The following PALS1 variants were observed in gnomAD, a reference collection of about 807,000 sequenced individuals.
PALS1 encodes protein PALS1.
A neutral mutation model predicts 78.9 loss-of-function variants in PALS1; 31 were observed. That is an observed-to-expected ratio of 0.39 (90% confidence interval 0.30 to 0.53). The LOEUF is 0.53. PALS1 is among the 20% of genes least tolerant of loss of function. The pLI is 0.67. For synonymous variants in PALS1, 276 were observed against 270.9 expected, an observed-to-expected ratio of 1.02 and a Z score of -0.18; for missense variants, 704 against 826.5, an observed-to-expected ratio of 0.85 and a Z score of 1.82.
chr14:67,302,360 C>T (rs2084943733), intron 6 of PALS1, 50 bp from the exon 7 acceptor site: 1 of 1,267,130 alleles, frequency 7.9e-7, no homozygotes, highest in Non-Finnish European at 1.0e-6. Context: ...AAATGCTTAA[C>T]AAAAATTGTA....
At chr14:67,286,830 G>A (rs8014259) in intron 3 of PALS1, among the ~76,000 whole-genome samples, 2 of 145,482 alleles carry the variant, frequency 1.4e-5, no homozygotes, top group East Asian at 2.1e-4. Context: ...GCACTCCAGC[G>A]TGGTGACAGA....
chr14:67,291,265 G>A (rs986686465), intron 3 of PALS1, among the ~76,000 whole-genome samples: 4 of 150,844 alleles, frequency 2.7e-5, no homozygotes, highest in Non-Finnish European at 5.9e-5. Flanking sequence ...GTCTTGCTCT[G>A]TTGCCCAGGC....
At chr14:67,246,636 T>A (rs912564848) in intron 1 of PALS1, among the ~76,000 whole-genome samples, 10 of 146,490 alleles carry the variant, frequency 6.8e-5, no homozygotes, top group African/African-American at 2.5e-4. Flanking sequence ...CCACTGAGCC[T>A]GGCCTACTAT....
At chr14:67,310,678 TATTTTTAACCAGATC>T (rs1351464351) in intron 8 of PALS1, among the ~76,000 whole-genome samples, 1 of 152,248 alleles carries the variant, frequency 6.6e-6, no homozygotes, top group Non-Finnish European at 1.5e-5. Context: ...TATATCTTTG[TATTTTTAACCAGATC>T]ATTTTTTAAC....
chr14:67,273,523 TGATG>T (rs1354782604), intron 2 of PALS1, among the ~76,000 whole-genome samples: 1 of 152,224 alleles, frequency 6.6e-6, no homozygotes, highest in East Asian at 1.9e-4. Flanking sequence ...AGTCTATCAT[TGATG>T]GACATTTGGG....
intron 1 of PALS1, among the ~76,000 whole-genome samples, chr14:67,246,805 C>T (rs2083995145): frequency 6.6e-6 from 1 of 152,214 alleles, no homozygotes; most frequent in East Asian, 1.9e-4. Context: ...GCGCGCACCA[C>T]CACGCCCAGC....
At chr14:67,246,459 T>C (rs1377168659) in intron 1 of PALS1, among the ~76,000 whole-genome samples, 15 of 152,016 alleles carry the variant, frequency 9.9e-5, no homozygotes, top group Admixed American at 9.8e-4. Context: ...ATCCTCCCAC[T>C]TTCCCCAGTG....
intron 6 of PALS1, 26 bp downstream of exon 6, chr14:67,302,144 A>C (rs757850488): frequency 1.9e-6 from 3 of 1,570,552 alleles, no homozygotes; most frequent in Non-Finnish European, 2.6e-6. Flanking sequence ...ACTGTTTTTA[A>C]ACAAGTGCAT....
At position 67,250,668 on chromosome 14, in the gene PALS1, G is replaced by A. The variant is rs1442813721; in HGVS notation, c.-237+9135G>A. Among the ~76,000 whole-genome samples, 7 of 152,324 alleles carry A rather than the reference G, an allele frequency of 4.6e-5. No individual in the cohort carries two copies. In the East Asian group the frequency reaches 1.2e-3, roughly 25 times the overall value. On this transcript the variant is annotated intron_variant, in intron 1 of 14. Coordinates refer to ENST00000261681, the MANE Select transcript of PALS1 (RefSeq NM_022474.4). ...CCCCAGATACAGGTCTCTGATCCAG[G>A]TGATTCATCGACTGTATAAATGACC...
At chr14:67,259,137 C>G (rs2084191094) in intron 1 of PALS1, among the ~76,000 whole-genome samples, 2 of 151,774 alleles carry the variant, frequency 1.3e-5, no homozygotes, top group Admixed American at 6.6e-5. Flanking sequence ...GCCACTGCAC[C>G]AGGCCGATTT....
chr14:67,311,570 C>T (rs1196877271), intron 8 of PALS1, among the ~76,000 whole-genome samples: 1 of 152,100 alleles, frequency 6.6e-6, no homozygotes, highest in Non-Finnish European at 1.5e-5. Context: ...AAAAATTAGA[C>T]ATGGGGAAAT....
At chr14:67,328,014 G>A (rs2085385757) in intron 14 of PALS1, among the ~76,000 whole-genome samples, 1 of 152,110 alleles carries the variant, frequency 6.6e-6, no homozygotes, top group Admixed American at 6.5e-5. Flanking sequence ...GGGATGGCTG[G>A]GTCAAATGGT....
At position 67,312,236 on chromosome 14, in the gene PALS1, AAC is replaced by A. The variant is rs572577285; in HGVS notation, c.1042-288_1042-287del. On this transcript the variant is annotated intron_variant, in intron 8 of 14. Transcript: ENST00000261681. ...TCAGCCTGAAAAAATATTGCCCAAA[AAC>A]ACTGTTACTTAACACCCTTCTTCCA... is the stretch of plus-strand genomic sequence containing the variant. 6.4e-4 allele frequency: 122 copies of A among 192,058 alleles called. 5 individuals are homozygous for A. The South Asian group carries it at 0.018, about 28-fold the overall frequency. 11.9% of individuals were successfully genotyped at this position (192,058 alleles called of 1,614,324 possible).
chr14:67,291,260 G>A (rs953611313), intron 3 of PALS1, among the ~76,000 whole-genome samples: 4 of 149,668 alleles, frequency 2.7e-5, no homozygotes, highest in African/African-American at 9.9e-5. Flanking sequence ...ATGGAGTCTT[G>A]CTCTGTTGCC....
chr14:67,291,191 C>T (rs931748759), intron 3 of PALS1, among the ~76,000 whole-genome samples: 2 of 149,896 alleles, frequency 1.3e-5, no homozygotes, highest in South Asian at 2.1e-4. Context: ...TGTGCATGTA[C>T]ACTCACACAG....
Position 67,321,962 on chromosome 14 carries a change from G to A in PALS1, c.1740+703G>A, listed in dbSNP as rs143841027. ...TTATTTTTATGGTTTAAATGCCATT[G>A]TTCAAATATTAACAAGTATCACAGT... On this transcript the variant is annotated intron_variant, in intron 13 of 14. Coordinates refer to ENST00000261681, the MANE Select transcript of PALS1 (RefSeq NM_022474.4). 2.3e-3 allele frequency among the ~76,000 whole-genome samples: 354 copies of A among 152,250 alleles called. 1 individual carries two copies. The highest frequency in any genetic ancestry group is 3.4e-3 in the Middle Eastern group (1 of 294).
At chr14:67,316,334 T>C (rs759134706) in intron 9 of PALS1, among the ~76,000 whole-genome samples, 5 of 152,060 alleles carry the variant, frequency 3.3e-5, no homozygotes, top group Admixed American at 1.3e-4. Context: ...GGCTAACACA[T>C]ATACATACAC....
chr14:67,300,054 G>A (rs1386024684), intron 4 of PALS1, among the ~76,000 whole-genome samples: 1 of 152,092 alleles, frequency 6.6e-6, no homozygotes, highest in Non-Finnish European at 1.5e-5. Context: ...TTAAAGCCTT[G>A]TCCATTGTAA....
intron 4 of PALS1, among the ~76,000 whole-genome samples, chr14:67,300,564 G>C (rs936502260): frequency 6.6e-6 from 1 of 152,126 alleles, no homozygotes; most frequent in Non-Finnish European, 1.5e-5. Flanking sequence ...CTGACCTCAA[G>C]TGATCTGCCT....
Sources: allele counts gnomAD v4.1 joint callset (sites outside exome capture counted in the v4.1 genomes callset), GRCh38; gene constraint gnomAD v4.1.1; transcripts MANE v1.5; gene names NCBI Gene and HGNC (gene_info 2026-07-23, HGNC 2026-07-21).